The following ARMH4 variants were observed in gnomAD, a reference collection of about 807,000 sequenced individuals.
The protein encoded by ARMH4 is armadillo like helical domain containing 4.
Under a neutral mutation model 61.9 loss-of-function variants are expected in ARMH4, and 49 were observed. That is an observed-to-expected ratio of 0.79 (90% CI 0.63 to 1.00). ARMH4 has a LOEUF of 1.00. Among genes scored for constraint, ARMH4 ranks in the 50% least tolerant of loss-of-function variants. The probability of loss-of-function intolerance (pLI) is 0.00; values close to 1 mark genes in which losing one functional copy is unlikely to be tolerated. For missense variants in ARMH4, 934 were observed against 930.0 expected, an observed-to-expected ratio of 1.00 and a Z score of -0.06; for synonymous variants, 368 against 341.5, an observed-to-expected ratio of 1.08 and a Z score of -0.85.
chr14:58,112,703 T>C (rs1886394142), intron 4 of ARMH4, among the ~76,000 whole-genome samples: 1 of 152,236 alleles, frequency 6.6e-6, no homozygotes, highest in Non-Finnish European at 1.5e-5. Context: ...TTCTAAAATC[T>C]GTTGCCAGTA....
chr14:58,103,840 T>C (rs920864850), intron 4 of ARMH4, among the ~76,000 whole-genome samples: 3 of 152,172 alleles, frequency 2.0e-5, no homozygotes, highest in Non-Finnish European at 2.9e-5. Flanking sequence ...GATAAAACAA[T>C]TGTGACTATA....
At chr14:58,022,760 C>T (rs1320669031) in intron 5 of ARMH4, among the ~76,000 whole-genome samples, 1 of 152,136 alleles carries the variant, frequency 6.6e-6, no homozygotes. Flanking sequence ...GCAAGCTGGC[C>T]CTTTGCCATA....
intron 5 of ARMH4, among the ~76,000 whole-genome samples, chr14:58,024,563 A>G (rs1384338345): frequency 6.6e-6 from 1 of 152,180 alleles, no homozygotes; most frequent in Non-Finnish European, 1.5e-5. Flanking sequence ...TGTGCACTAG[A>G]GTAGCATTAT....
At chr14:58,039,305 A>G (rs776502680) in intron 5 of ARMH4, among the ~76,000 whole-genome samples, 3 of 152,188 alleles carry the variant, frequency 2.0e-5, no homozygotes, top group Non-Finnish European at 4.4e-5. Flanking sequence ...GTTTCTCCCT[A>G]TAAATCTCTG....
At chr14:58,072,544 C>T (rs924680392) in intron 5 of ARMH4, among the ~76,000 whole-genome samples, 2 of 151,942 alleles carry the variant, frequency 1.3e-5, no homozygotes, top group Non-Finnish European at 2.9e-5. Context: ...CGTCGTGAAA[C>T]CCCATCTCTA....
chr14:58,024,915 G>A (rs1387818780), intron 5 of ARMH4, among the ~76,000 whole-genome samples: 2 of 151,984 alleles, frequency 1.3e-5, no homozygotes, highest in Non-Finnish European at 2.9e-5. Flanking sequence ...TGCTGTTGGT[G>A]GCACCCCAAA....
intron 5 of ARMH4, among the ~76,000 whole-genome samples, chr14:58,044,934 A>C (rs1395011252): frequency 6.6e-6 from 1 of 152,174 alleles, no homozygotes. Context: ...ACCAGTTAGA[A>C]TGGTGATCAT....
intron 5 of ARMH4, among the ~76,000 whole-genome samples, chr14:58,094,094 C>T (rs1885665533): frequency 6.6e-6 from 1 of 152,026 alleles, no homozygotes; most frequent in South Asian, 2.1e-4. Context: ...CTTTGGGAGG[C>T]CACGGCGGGC....
intron 5 of ARMH4, among the ~76,000 whole-genome samples, chr14:58,092,808 T>A (rs1383615677): frequency 2.7e-5 from 4 of 145,546 alleles, no homozygotes; most frequent in African/African-American, 1.0e-4. Context: ...AATTTAAAGA[T>A]CCTTCCCTTT....
At chr14:58,094,667 G>C (rs1885689516) in intron 5 of ARMH4, among the ~76,000 whole-genome samples, 1 of 152,182 alleles carries the variant, frequency 6.6e-6, no homozygotes, top group Admixed American at 6.5e-5. Flanking sequence ...TTTATGCTAA[G>C]TGATCTAAGC....
chr14:58,104,350 A>G (rs1020885701), intron 4 of ARMH4, among the ~76,000 whole-genome samples: 1 of 152,238 alleles, frequency 6.6e-6, no homozygotes, highest in African/African-American at 2.4e-5. Context: ...ACCCTTCAGC[A>G]CTAAGCAACT....
intron 1 of ARMH4, among the ~76,000 whole-genome samples, chr14:58,142,596 C>T (rs1266260889): frequency 6.6e-6 from 1 of 152,052 alleles, no homozygotes; most frequent in Non-Finnish European, 1.5e-5. Context: ...CTCAGCCTCC[C>T]GAGTAGCTGG....
intron 5 of ARMH4, among the ~76,000 whole-genome samples, chr14:58,050,330 G>A (rs781511119): frequency 1.8e-4 from 27 of 152,252 alleles, no homozygotes; most frequent in Non-Finnish European, 2.8e-4. Flanking sequence ...TGCTTTCCTC[G>A]CAGTTCAGGC....
chr14:58,030,534 G>T (rs549475624), intron 5 of ARMH4, among the ~76,000 whole-genome samples: 1 of 152,118 alleles, frequency 6.6e-6, no homozygotes, highest in African/African-American at 2.4e-5. Flanking sequence ...ATTAACTACC[G>T]TATATTCATA....
intron 5 of ARMH4, among the ~76,000 whole-genome samples, chr14:58,032,714 G>A (rs1026746189): frequency 6.6e-6 from 1 of 150,904 alleles, no homozygotes; most frequent in Non-Finnish European, 1.5e-5. Flanking sequence ...GCGAGCCGAA[G>A]CAGGGTGAGG....
At chr14:58,012,797 A>G (rs886526997) in intron 5 of ARMH4, among the ~76,000 whole-genome samples, 3 of 152,254 alleles carry the variant, frequency 2.0e-5, no homozygotes, top group Non-Finnish European at 2.9e-5. Context: ...AGGCTGATCA[A>G]CTATGAAATT....
At chr14:58,140,234 C>A (rs1887486094) in intron 1 of ARMH4, among the ~76,000 whole-genome samples, 1 of 141,216 alleles carries the variant, frequency 7.1e-6, no homozygotes, top group Non-Finnish European at 1.5e-5. Context: ...GAGATCGTGC[C>A]ATTGCACTAC....
At chr14:58,008,670 C>G (rs1246249444) in intron 6 of ARMH4, among the ~76,000 whole-genome samples, 1 of 152,152 alleles carries the variant, frequency 6.6e-6, no homozygotes, top group Non-Finnish European at 1.5e-5. Context: ...GGAACACCTG[C>G]AAGACTTACT....
At chr14:58,146,184 A>C (rs750910534) in intron 1 of ARMH4, among the ~76,000 whole-genome samples, 31 of 152,382 alleles carry the variant, frequency 2.0e-4, no homozygotes, top group Admixed American at 3.9e-4. Flanking sequence ...TTGGCTGAAC[A>C]AACAGATGAA....
Sources: gnomAD v4.1 joint callset for allele counts (sites outside exome capture counted in the v4.1 genomes callset) on GRCh38, gnomAD v4.1.1 for gene constraint, MANE v1.5 for transcripts, NCBI Gene and HGNC (gene_info 2026-07-23, HGNC 2026-07-21) for gene names.